The following METTL14 variants were observed in gnomAD, a reference collection of about 807,000 sequenced individuals.
METTL14 encodes methyltransferase 14, N6-adenosine-methyltransferase non-catalytic subunit, also known as N(6)-adenosine-methyltransferase non-catalytic subunit METTL14.
Under a neutral mutation model 62.4 loss-of-function variants are expected in METTL14, and 32 were observed. That is an observed-to-expected ratio of 0.51 (90% CI 0.39 to 0.69). The LOEUF (loss-of-function observed/expected upper bound fraction) is 0.69. METTL14 is among the 30% of genes least tolerant of loss of function. The pLI, the probability that METTL14 is intolerant of heterozygous loss-of-function variation, is 0.00. For synonymous variants in METTL14, 150 were observed against 180.0 expected (o/e 0.83, Z 1.34); for missense variants, 340 against 551.9 (o/e 0.62, Z 3.85).
At chr4:118,692,192 G>T in intron 5 of METTL14, 124 bp downstream of exon 5, 1 of 605,318 alleles carries the variant, frequency 1.7e-6, no homozygotes, top group South Asian at 2.3e-5. Flanking sequence ...TTCGTTCTCA[G>T]TGCTTCTGGT....
chr4:118,704,286 T>C (rs918821395), intron 9 of METTL14, among the ~76,000 whole-genome samples: 1 of 152,184 alleles, frequency 6.6e-6, no homozygotes, highest in Non-Finnish European at 1.5e-5. Context: ...ATGTCCTAAA[T>C]GCCATATTTC....
chr4:118,691,898 A>G (rs1317060715), intron 4 of METTL14, 83 bp from the exon 5 acceptor site: 1 of 863,082 alleles, frequency 1.2e-6, no homozygotes, highest in African/African-American at 1.7e-5. Context: ...ATTTTATATC[A>G]CCTTGTAATA....
chr4:118,697,458 T>C, intron 7 of METTL14, 135 bp downstream of exon 7: 3 of 760,762 alleles, frequency 3.9e-6, no homozygotes, highest in South Asian at 2.5e-5. Flanking sequence ...GTGTAAATTA[T>C]AGCTGAAGGT....
At chr4:118,701,993 G>C (rs977593834) in intron 8 of METTL14, among the ~76,000 whole-genome samples, 7 of 152,020 alleles carry the variant, frequency 4.6e-5, no homozygotes, top group Non-Finnish European at 1.0e-4. Context: ...CTATAGAAAA[G>C]TAAGAGCGAA....
At chr4:118,696,003 G>A (rs1466587909) in intron 6 of METTL14, among the ~76,000 whole-genome samples, 4 of 150,994 alleles carry the variant, frequency 2.6e-5, no homozygotes, top group East Asian at 2.0e-4. Context: ...CCAGCTATTC[G>A]GGAGGCAGAG....
Position 118,712,849 on chromosome 4 carries a change from G to C in METTL14, c.*2547G>C, listed in dbSNP as rs1157303464. Reference sequence around the variant, plus strand: ...GACCTTCCTCCTTTCAGAGGATGGGGATTAGGAGGCCCAAAGTACTGATTG... The same window carrying C: ...GACCTTCCTCCTTTCAGAGGATGGGCATTAGGAGGCCCAAAGTACTGATTG... On this transcript the variant is annotated 3_prime_UTR_variant, in exon 11 of 11. Coordinates refer to ENST00000388822, the MANE Select transcript of METTL14 (RefSeq NM_020961.4). 1 of 152,106 alleles carries C rather than the reference G, an allele frequency of 6.6e-6. No homozygotes were observed. The highest frequency in any genetic ancestry group is 1.5e-5 in the Non-Finnish European group (1 of 68,030). The allele number at this position is 152,106 out of a possible 1,614,324, so 9.4% of individuals were successfully genotyped here.
chr4:118,698,429 G>T (rs1279902230), intron 7 of METTL14, among the ~76,000 whole-genome samples: 1 of 145,082 alleles, frequency 6.9e-6, no homozygotes, highest in African/African-American at 2.6e-5. Flanking sequence ...CTCCAGCCTG[G>T]GCGACACAGC....
chr4:118,703,884 T>C, intron 8 of METTL14, 51 bp from the exon 9 acceptor site: 2 of 1,053,798 alleles, frequency 1.9e-6, no homozygotes, highest in South Asian at 1.6e-5. Flanking sequence ...TGTTAAGTAT[T>C]GTTTATTTCT....
chr4:118,698,617 G>T (rs1418009246), intron 7 of METTL14, among the ~76,000 whole-genome samples: 1 of 152,122 alleles, frequency 6.6e-6, no homozygotes, highest in African/African-American at 2.4e-5. Flanking sequence ...GATTTAGTAA[G>T]ATTGAGTGAT....
chr4:118,707,538 C>T (rs1455014516), intron 10 of METTL14, among the ~76,000 whole-genome samples: 2 of 146,884 alleles, frequency 1.4e-5, no homozygotes, highest in Non-Finnish European at 3.0e-5. Context: ...GTGGTGTGTG[C>T]CTGTAATCCC....
intron 10 of METTL14, among the ~76,000 whole-genome samples, chr4:118,707,817 A>T (rs1411960951): frequency 6.6e-6 from 1 of 152,074 alleles, no homozygotes; most frequent in Non-Finnish European, 1.5e-5. Flanking sequence ...ATGTGAGTCA[A>T]ATACACTCTG....
intron 1 of METTL14, chr4:118,686,835 C>T: frequency 3.4e-6 from 1 of 294,692 alleles, no homozygotes; most frequent in Non-Finnish European, 6.8e-6. Flanking sequence ...GCCAGGGGCT[C>T]TACCTTTTAA....
At chr4:118,690,691 A>C (rs1724219986) in intron 3 of METTL14, among the ~76,000 whole-genome samples, 1 of 152,034 alleles carries the variant, frequency 6.6e-6, no homozygotes, top group Non-Finnish European at 1.5e-5. Context: ...AAAAAAAAAA[A>C]AAAACACAAA....
At chr4:118,705,537 G>A in intron 9 of METTL14, 74 bp from the exon 10 acceptor site, 2 of 1,119,002 alleles carry the variant, frequency 1.8e-6, no homozygotes, top group Non-Finnish European at 2.7e-6. Flanking sequence ...TAGAATTGAG[G>A]ACATCAGAAA....
At position 118,713,434 on chromosome 4, in the gene METTL14, T is replaced by G. The variant is rs1724980156; in HGVS notation, c.*3132T>G. ...AGCGCTTAATTTAAAACCTGTACTG[T>G]TTTCATCCTGAATTTAGAACATAAG... On this transcript the variant is annotated 3_prime_UTR_variant, in exon 11 of 11. Transcript: ENST00000388822. The G allele has an allele frequency of 6.6e-6, 1 of 152,208 alleles. No individual in the cohort carries two copies. The highest frequency in any genetic ancestry group is 1.5e-5 in the Non-Finnish European group (1 of 68,034). 9.4% of individuals were successfully genotyped at this position (152,208 alleles called of 1,614,324 possible).
chr4:118,692,845 C>T (rs1724296374), intron 5 of METTL14, among the ~76,000 whole-genome samples: 2 of 152,140 alleles, frequency 1.3e-5, no homozygotes, highest in African/African-American at 2.4e-5. Flanking sequence ...TACCCCTTCT[C>T]AGCCTTAAGT....
chr4:118,707,202 A>G (rs1724780426), intron 10 of METTL14, among the ~76,000 whole-genome samples: 2 of 152,178 alleles, frequency 1.3e-5, no homozygotes, highest in African/African-American at 2.4e-5. Flanking sequence ...CTAGTACAAA[A>G]AGAAAGAAAG....
At chr4:118,704,119 T>A in intron 9 of METTL14, 68 bp downstream of exon 9, 1 of 844,226 alleles carries the variant, frequency 1.2e-6, no homozygotes, top group Non-Finnish European at 1.9e-6. Flanking sequence ...CAAATAACTG[T>A]ATACTGTTTA....
At chr4:118,698,757 T>C (rs1193874779) in intron 7 of METTL14, among the ~76,000 whole-genome samples, 1 of 152,102 alleles carries the variant, frequency 6.6e-6, no homozygotes, top group Non-Finnish European at 1.5e-5. Context: ...ACTGAACAAG[T>C]TGATTTCTAG....
Sources: allele counts gnomAD v4.1 joint callset (sites outside exome capture counted in the v4.1 genomes callset), GRCh38; gene constraint gnomAD v4.1.1; transcripts MANE v1.5; gene names NCBI Gene and HGNC (gene_info 2026-07-23, HGNC 2026-07-21).